The following TNFSF4 variants were observed in gnomAD, a reference collection of about 807,000 sequenced individuals.
The protein encoded by TNFSF4 is TNF superfamily member 4.
Under a neutral mutation model 7.3 loss-of-function variants are expected in TNFSF4, and 4 were observed. The ratio of observed to expected loss-of-function variants is 0.55; its 90% CI spans 0.27 to 1.25. The LOEUF (loss-of-function observed/expected upper bound fraction) is 1.25. Among genes scored for constraint, TNFSF4 ranks in the 50% most tolerant of loss-of-function variants. The probability of loss-of-function intolerance (pLI) is 0.12; values close to 1 mark genes in which losing one functional copy is unlikely to be tolerated. For missense variants in TNFSF4, 181 were observed against 208.8 expected (o/e 0.87, Z 0.82); for synonymous variants, 76 against 83.7 (o/e 0.91, Z 0.50).
chr1:173,239,561 C>A, the TNFSF4 span, among the ~76,000 whole-genome samples: 13 of 152,320 alleles, frequency 8.5e-5, no homozygotes, highest in Admixed American at 7.8e-4. Context: ...GCAGGTAGAG[C>A]AGATCCTGTT....
the TNFSF4 span, among the ~76,000 whole-genome samples, chr1:173,263,209 A>G: frequency 1.3e-5 from 2 of 152,240 alleles, no homozygotes; most frequent in Non-Finnish European, 2.9e-5. Context: ...CATACTGCCT[A>G]AAGTAATTTA....
the TNFSF4 span, among the ~76,000 whole-genome samples, chr1:173,429,829 C>T: frequency 6.6e-6 from 1 of 152,314 alleles, no homozygotes; most frequent in Non-Finnish European, 1.5e-5. Flanking sequence ...AATGTAATTG[C>T]CAAGACCCCT....
chr1:173,365,882 T>C, the TNFSF4 span, among the ~76,000 whole-genome samples: 752 of 152,300 alleles, frequency 4.9e-3, 9 homozygotes, highest in South Asian at 0.036. Context: ...AGATGTTTCA[T>C]AGCATATTGG....
At chr1:173,420,506 C>T in the TNFSF4 span, among the ~76,000 whole-genome samples, 2 of 152,008 alleles carry the variant, frequency 1.3e-5, no homozygotes, top group Non-Finnish European at 2.9e-5. Context: ...AGGCACATTG[C>T]AGTTAAAGAA....
At chr1:173,197,526 T>C (rs903697029) in intron 1 of TNFSF4, among the ~76,000 whole-genome samples, 3 of 152,138 alleles carry the variant, frequency 2.0e-5, no homozygotes, top group Non-Finnish European at 4.4e-5. Context: ...AGGAACAAGA[T>C]CATGTCCTTG....
the TNFSF4 span, among the ~76,000 whole-genome samples, chr1:173,319,913 ACG>A: frequency 2.0e-5 from 3 of 152,294 alleles, no homozygotes; most frequent in South Asian, 6.2e-4. Flanking sequence ...CAGCATGAAA[ACG>A]CTAAAAATTC....
intron 1 of TNFSF4, chr1:173,205,406 C>T: frequency 1.2e-6 from 2 of 1,604,668 alleles, no homozygotes; most frequent in Non-Finnish European, 1.7e-6. Context: ...GGAAAGGATC[C>T]CCTCTTTTTC....
At chr1:173,361,359 C>G in the TNFSF4 span, among the ~76,000 whole-genome samples, 1 of 152,098 alleles carries the variant, frequency 6.6e-6, no homozygotes, top group Non-Finnish European at 1.5e-5. Flanking sequence ...GTATGACCAA[C>G]AACTTATAGG....
At chr1:173,196,476 C>T (rs1480368146) in intron 1 of TNFSF4, among the ~76,000 whole-genome samples, 4 of 152,140 alleles carry the variant, frequency 2.6e-5, no homozygotes, top group South Asian at 4.2e-4. Flanking sequence ...GTATATCCTG[C>T]GTGATATCCT....
chr1:173,230,980 C>A, the TNFSF4 span, among the ~76,000 whole-genome samples: 1 of 152,064 alleles, frequency 6.6e-6, no homozygotes. Flanking sequence ...AAAAGCCCAG[C>A]ACCAGATGGA....
chr1:173,422,010 G>C, the TNFSF4 span, among the ~76,000 whole-genome samples: 2 of 152,096 alleles, frequency 1.3e-5, no homozygotes, highest in South Asian at 4.2e-4. Flanking sequence ...GCACATAATA[G>C]GAAAATAAAG....
At chr1:173,398,409 C>CTTTTTTTTTTTTTTTTTT in the TNFSF4 span, among the ~76,000 whole-genome samples, 25 of 101,538 alleles carry the variant, frequency 2.5e-4, no homozygotes, top group Non-Finnish European at 3.4e-4. Flanking sequence ...TATTTCTTTT[C>CTTTTTTTTTTTTTTTTTT]TTTTTTTTTT....
At chr1:173,205,718 G>A (rs1038867510) in intron 1 of TNFSF4, 5 of 405,422 alleles carry the variant, frequency 1.2e-5, no homozygotes, top group South Asian at 1.0e-4. Flanking sequence ...TTGGGCATCC[G>A]GTCGATGTCT....
At chr1:173,345,872 T>C in the TNFSF4 span, among the ~76,000 whole-genome samples, 1 of 152,140 alleles carries the variant, frequency 6.6e-6, no homozygotes, top group Non-Finnish European at 1.5e-5. Flanking sequence ...GGAGGAAGAC[T>C]CGGTGCAATC....
chr1:173,392,989 G>A, the TNFSF4 span, among the ~76,000 whole-genome samples: 1 of 152,244 alleles, frequency 6.6e-6, no homozygotes, highest in East Asian at 1.9e-4. Context: ...AGAGCCTAAA[G>A]GGAATGAATG....
the TNFSF4 span, among the ~76,000 whole-genome samples, chr1:173,296,727 A>T: frequency 5.0e-3 from 760 of 152,092 alleles, 3 homozygotes; most frequent in Non-Finnish European, 7.7e-3. Flanking sequence ...AAAATAGGGC[A>T]TGCTTCTTCT....
chr1:173,244,430 C>G, the TNFSF4 span, among the ~76,000 whole-genome samples: 3 of 151,854 alleles, frequency 2.0e-5, no homozygotes, highest in African/African-American at 7.3e-5. Flanking sequence ...ATCACGAGGT[C>G]AGGAGATCGA....
the TNFSF4 span, among the ~76,000 whole-genome samples, chr1:173,274,680 A>AAAAAAAAAAAACATT: frequency 1.1e-4 from 16 of 152,272 alleles, no homozygotes; most frequent in African/African-American, 3.8e-4. Context: ...TCCCAGAAAA[A>AAAAAAAAAAAACATT]GAATTCAGAG....
the TNFSF4 span, among the ~76,000 whole-genome samples, chr1:173,296,726 C>A: frequency 6.6e-6 from 1 of 152,060 alleles, no homozygotes; most frequent in East Asian, 1.9e-4. Context: ...AAAAATAGGG[C>A]ATGCTTCTTC....
Sources: gnomAD v4.1 joint callset for allele counts (sites outside exome capture counted in the v4.1 genomes callset) on GRCh38, gnomAD v4.1.1 for gene constraint, MANE v1.5 for transcripts, NCBI Gene and HGNC (gene_info 2026-07-23, HGNC 2026-07-21) for gene names.